Variants in PLEC observed in about 807,000 individuals in gnomAD.
PLEC encodes the protein hemidesmosomal protein 1.
PLEC carries 216 observed loss-of-function variants against 392.8 expected under a neutral mutation model. The ratio of observed to expected loss-of-function variants is 0.55; its 90% CI spans 0.49 to 0.62. PLEC has a LOEUF of 0.62. Ranked by LOEUF, PLEC falls within the 20% of genes least tolerant of loss-of-function variation. The pLI is 0.00. For synonymous variants in PLEC, 3,621 were observed against 2,980.6 expected (o/e 1.21, Z -7.00); for missense variants, 6,863 against 6,563.4 (o/e 1.05, Z -1.58).
At chr8:143,936,839 C>T in intron 5 of PLEC, 140 bp downstream of exon 5, 1 of 696,022 alleles carries the variant, frequency 1.4e-6, no homozygotes. Context: ...GGAAGGCACC[C>T]AGGTGCCACC....
chr8:143,963,809 A>ATTTTT (rs1190132489), intron 1 of PLEC, among the ~76,000 whole-genome samples: 6 of 119,928 alleles, frequency 5.0e-5, no homozygotes, highest in Admixed American at 9.0e-5. Context: ...CACCTGGCTA[A>ATTTTT]TTTTTTTTTT....
At chr8:143,942,157 G>T (rs1324675010), upstream of PLEC, among the ~76,000 whole-genome samples, 1 of 134,068 alleles carries the variant, frequency 7.5e-6, no homozygotes, top group African/African-American at 2.8e-5. Context: ...GGCCAGCCCC[G>T]CCCCCTCCAG....
At position 143,932,819 on chromosome 8, in the gene PLEC, T is replaced by C. The variant is rs1827792064; in HGVS notation, c.1711A>G (p.Lys571Glu). The C allele has an allele frequency of 1.2e-6, 2 of 1,612,416 alleles. No homozygotes were observed. Among genetic ancestry groups the C allele is most frequent in the Admixed American group, 3.3e-5 (2 of 59,982 alleles). ...TCGTCACTCCGTGCCCGCTCGATCT[T>C]GGCCCGGAATTCTTCGATGGACTGG... is the stretch of plus-strand genomic sequence containing the variant. ...LHQSIEEFRAKIERARSDEGQ... is the reference protein window; with the variant it reads ...LHQSIEEFRAEIERARSDEGQ... Residue 571 changes from lysine to glutamate, a missense_variant, in exon 14 of 32, where the codon AAG becomes GAG. Coordinates refer to ENST00000345136, the MANE Select transcript of PLEC (RefSeq NM_201384.3).
chr8:143,919,922 T>A lies in PLEC; in HGVS notation c.9899A>T (p.Gln3300Leu), dbSNP rs1554679882. 6.2e-7 allele frequency: 1 copy of A among 1,613,348 alleles called. No individual in the cohort carries two copies. Among genetic ancestry groups the A allele is most frequent in the East Asian group, 2.2e-5 (1 of 44,890 alleles). Residue 3300 changes from glutamine (Q) to leucine (L), a missense_variant, in exon 32 of 32, where the codon CAG becomes CTG. Coordinates refer to ENST00000345136, the MANE Select transcript of PLEC (RefSeq NM_201384.3). ...TIVEEVETLR[Q>L]ERLSFSGLRA... ...GAGGCCGCTGAAGGACAGCCTCTCC[T>A]GCCGCAGGGTCTCCACCTCCTCCAC...
At chr8:143,960,796 C>G (rs1554740650) in intron 1 of PLEC, among the ~76,000 whole-genome samples, 1 of 152,238 alleles carries the variant, frequency 6.6e-6, no homozygotes, top group Non-Finnish European at 1.5e-5. Context: ...GTGAAAATCA[C>G]TGTTAGTGGC....
chr8:143,940,699 C>T (rs1333087790), upstream of PLEC, among the ~76,000 whole-genome samples: 1 of 152,180 alleles, frequency 6.6e-6, no homozygotes, highest in Non-Finnish European at 1.5e-5. Flanking sequence ...TGCACTCGGC[C>T]TCAGTTCTGG....
chr8:143,917,113 G>A lies in PLEC; in HGVS notation c.12708C>T (p.Leu4236=). 6.2e-7 allele frequency: 1 copy of A among 1,604,842 alleles called. No individual in the cohort carries two copies. The highest frequency in any genetic ancestry group is 8.5e-7 in the Non-Finnish European group (1 of 1,172,928). ...AGCGGAAACCACCGGCGTTGCCCGAGAGCATGTCGGCGAACTCGGTGATGG... is the reference window on the plus strand; with the variant it reads ...AGCGGAAACCACCGGCGTTGCCCGAAAGCATGTCGGCGAACTCGGTGATGG... ...TLSITEFADM[L]SGNAGGFRSR... Residue 4236 remains leucine (L), a synonymous_variant, in exon 32 of 32, where the codon CTC becomes CTT. Transcript: ENST00000345136.
rs782481537 is a variant in PLEC at position 143,918,365 on chromosome 8, G to A, written c.11456C>T (p.Pro3819Leu). 131 of 1,571,610 alleles carry A rather than the reference G, an allele frequency of 8.3e-5. No individual in the cohort carries two copies. Among genetic ancestry groups the A allele is most frequent in the Non-Finnish European group, 1.1e-4 (125 of 1,165,192 alleles). Residue 3819 changes from proline (P) to leucine (L), a missense_variant, in exon 32 of 32, where the codon CCC (proline) becomes CTC (leucine). Physicochemically the swap from Pro to Leu is moderately conservative, Grantham distance 98. Transcript: ENST00000345136. ...IVDPRLGFHLPLEVAYQRGYL... is the reference protein window; with the variant it reads ...IVDPRLGFHLLLEVAYQRGYL... Reference sequence around the variant, plus strand: ...GCCACGCTGGTAAGCCACCTCCAGGGGAAGGTGGAAGCCCAGGCGGGGGTC... The same window carrying A: ...GCCACGCTGGTAAGCCACCTCCAGGAGAAGGTGGAAGCCCAGGCGGGGGTC...
chr8:143,934,922 T>C lies in PLEC; in HGVS notation c.833A>G (p.Gln278Arg), dbSNP rs868915157. Residue 278 changes from glutamine (Q) to arginine (R), a missense_variant, in exon 9 of 32, where the codon CAG becomes CGG. Coordinates refer to ENST00000345136, the MANE Select transcript of PLEC (RefSeq NM_201384.3). ...CTCCCGGTACTCCTGCCAGCGCAGCTGCAGCTCCTGCGGGCAGGCACGGGC... is the reference window on the plus strand; with the variant it reads ...CTCCCGGTACTCCTGCCAGCGCAGCCGCAGCTCCTGCGGGCAGGCACGGGC... ...VQDGVRANEL[Q>R]LRWQEYRELV... is the part of the protein sequence containing the mutation. 6.2e-7 allele frequency: 1 copy of C among 1,611,248 alleles called. No individual in the cohort carries two copies. Among genetic ancestry groups the C allele is most frequent in the East Asian group, 2.2e-5 (1 of 44,868 alleles).
chr8:143,927,165 C>T, intron 28 of PLEC, 84 bp from the exon 29 acceptor site: 1 of 1,570,516 alleles, frequency 6.4e-7, no homozygotes, highest in Non-Finnish European at 8.7e-7. Context: ...TGGGCTTTCC[C>T]TGGCATGGCC....
chr8:143,937,581 C>G, intron 3 of PLEC: 1 of 497,972 alleles, frequency 2.0e-6, no homozygotes, highest in South Asian at 1.8e-5. Flanking sequence ...CCGGTGGGTC[C>G]CAGGCCAGCT....
upstream of PLEC, chr8:143,953,706 G>A (rs781892504): frequency 1.9e-6 from 3 of 1,607,704 alleles, no homozygotes; most frequent in Non-Finnish European, 2.5e-6. Context: ...CCCGGCTCGG[G>A]CCCGGCCCCA....
chr8:143,933,998 C>G lies in PLEC; in HGVS notation c.1263G>C (p.Ser421=). 6.2e-7 allele frequency: 1 copy of G among 1,609,054 alleles called. No homozygotes were observed. The highest frequency in any genetic ancestry group is 8.5e-7 in the Non-Finnish European group (1 of 1,178,384). The change falls in exon 12 of 32, where the codon TCG becomes TCC. Residue 421 remains serine (S), a splice_region_variant and synonymous_variant. Transcript: ENST00000345136. ...QLNQADALLQ[S]DVRLLAAGKV... is the part of the protein sequence containing the mutation. ...CACTGCCTGCCCCACACCCCCTCAC[C>G]GACTGCAGCAGGGCGTCGGCCTGGT...
chr8:143,936,027 G>C lies in PLEC; in HGVS notation c.436-13C>G. ...GGATATCTGAGATCTGCTCACAGCA[G>C]AGAGGAGGCCACAGCTCAGCCACAG... is the stretch of plus-strand genomic sequence containing the variant. On this transcript the variant is annotated splice_polypyrimidine_tract_variant and intron_variant, in intron 5 of 31. Transcript: ENST00000345136. The C allele has an allele frequency of 1.2e-6, 2 of 1,610,558 alleles. No individual in the cohort carries two copies. Among genetic ancestry groups the C allele is most frequent in the Non-Finnish European group, 1.7e-6 (2 of 1,179,902 alleles).
Position 143,918,994 on chromosome 8 carries a change from C to A in PLEC, c.10827G>T (p.Gln3609His). The A allele has an allele frequency of 1.2e-6, 2 of 1,611,356 alleles. No individual in the cohort carries two copies. The highest frequency in any genetic ancestry group is 1.7e-6 in the Non-Finnish European group (2 of 1,180,026). ...TGCGTTCCTTGGTCACCCGGCCGGC[C>A]TGGAAGTCAGCCATCAGCTGGGCCC... ...EQRAQLMADF[Q>H]AGRVTKERMI... Residue 3609 changes from glutamine to histidine, a missense_variant, in exon 32 of 32, where the codon CAG becomes CAT. Coordinates refer to ENST00000345136, the MANE Select transcript of PLEC (RefSeq NM_201384.3).
rs782278447 is a variant in PLEC at position 143,920,466 on chromosome 8, C to T, written c.9355G>A (p.Ala3119Thr). The change falls in exon 32 of 32, where the codon GCC becomes ACC. Residue 3119 changes from alanine to threonine, a missense_variant. Coordinates refer to ENST00000345136, the MANE Select transcript of PLEC (RefSeq NM_201384.3). ...CGGGGAATGAGGCCCTTCTTCAGGGCCTGGAACAGGGAGACGCTCTGCCCT... is the reference window on the plus strand; with the variant it reads ...CGGGGAATGAGGCCCTTCTTCAGGGTCTGGAACAGGGAGACGCTCTGCCCT... ...YTGQSVSLFQ[A>T]LKKGLIPREQ... The T allele has an allele frequency of 6.2e-7, 1 of 1,603,636 alleles. No individual in the cohort carries two copies. The highest frequency in any genetic ancestry group is 1.7e-5 in the Admixed American group (1 of 59,788).
At position 143,920,067 on chromosome 8, in the gene PLEC, T is replaced by C; in HGVS notation, c.9754A>G (p.Thr3252Ala). Reference sequence around the variant, plus strand: ...TCAGAGCTGATGAGCTCCCACACCGTCACCGTCCTGCCCTTGAAGCCACCC... The same window carrying C: ...TCAGAGCTGATGAGCTCCCACACCGCCACCGTCCTGCCCTTGAAGCCACCC... The part of the protein sequence containing the change: ...PVGGFKGRTV[T>A]VWELISSEYF... Residue 3252 changes from threonine (T) to alanine (A), a missense_variant, in exon 32 of 32, where the codon ACG becomes GCG. Transcript: ENST00000345136. 2 of 1,613,274 alleles carry C rather than the reference T, an allele frequency of 1.2e-6. No homozygotes were observed. The highest frequency in any genetic ancestry group is 1.7e-6 in the Non-Finnish European group (2 of 1,180,032).
chr8:143,971,272 ACCT>A (rs1410116753), intron 1 of PLEC, among the ~76,000 whole-genome samples: 1 of 151,952 alleles, frequency 6.6e-6, no homozygotes, highest in Non-Finnish European at 1.5e-5. Context: ...AAGCCAGAGC[ACCT>A]CCTCAGTGCA....
At chr8:143,934,122 T>C (rs1828250809) in intron 11 of PLEC, 31 bp from the exon 12 acceptor site, 2 of 1,606,032 alleles carry the variant, frequency 1.2e-6, no homozygotes, top group Admixed American at 3.4e-5. Flanking sequence ...AGGGGCCGCG[T>C]TGGCCGGGTC....
Sources: gnomAD v4.1 joint callset for allele counts (sites outside exome capture counted in the v4.1 genomes callset) on GRCh38, gnomAD v4.1.1 for gene constraint, MANE v1.5 for transcripts, NCBI Gene and HGNC (gene_info 2026-07-23, HGNC 2026-07-21) for gene names.